Variants in LARGE1 observed in about 807,000 individuals in gnomAD.
LARGE1 encodes LARGE xylosyl- and glucuronyltransferase 1, also known as xylosyl- and glucuronyltransferase LARGE1.
In LARGE1, 43 loss-of-function variants were observed where a neutral mutation model predicts 87.6. The ratio of observed to expected loss-of-function variants is 0.49; its 90% CI spans 0.38 to 0.63. The LOEUF is 0.63. LARGE1 is among the 30% of genes least tolerant of loss of function. The pLI is 0.00. For missense variants in LARGE1, 802 were observed against 1,000.2 expected (o/e 0.80, Z 2.67); for synonymous variants, 434 against 394.6 (o/e 1.10, Z -1.18).
chr22:33,364,146 C>T (rs923842234), intron 9 of LARGE1, among the ~76,000 whole-genome samples: 2 of 151,946 alleles, frequency 1.3e-5, no homozygotes, highest in Non-Finnish European at 2.9e-5. Context: ...ACTCCGCCCC[C>T]CGGGTTCACG....
At chr22:33,335,446 G>T (rs557968584) in intron 10 of LARGE1, among the ~76,000 whole-genome samples, 1 of 152,276 alleles carries the variant, frequency 6.6e-6, no homozygotes, top group African/African-American at 2.4e-5. Flanking sequence ...CTGTGACCAG[G>T]GTCATCCTGA....
intron 2 of LARGE1, among the ~76,000 whole-genome samples, chr22:33,657,799 G>A (rs190576721): frequency 3.5e-4 from 54 of 152,180 alleles, no homozygotes; most frequent in African/African-American, 1.2e-3. Context: ...CTACTTCAAG[G>A]TCATCCATCA....
intron 6 of LARGE1, among the ~76,000 whole-genome samples, chr22:33,491,167 C>T (rs183299771): frequency 7.6e-4 from 116 of 152,280 alleles, no homozygotes; most frequent in South Asian, 2.7e-3. Flanking sequence ...TGTTGGTACA[C>T]AGTATATGGA....
chr22:33,532,666 G>A (rs2076933553), intron 6 of LARGE1, among the ~76,000 whole-genome samples: 1 of 152,210 alleles, frequency 6.6e-6, no homozygotes, highest in Non-Finnish European at 1.5e-5. Context: ...CATGCTTAAA[G>A]TTTTAGGCTT....
chr22:33,124,412 A>G, the LARGE1 span, among the ~76,000 whole-genome samples: 1 of 101,550 alleles, frequency 9.8e-6, no homozygotes, highest in Non-Finnish European at 2.1e-5. Flanking sequence ...GGCTCTGAAA[A>G]GAGCCTTTGG....
intron 2 of LARGE1, among the ~76,000 whole-genome samples, chr22:33,670,499 G>A (rs1205155264): frequency 6.6e-6 from 1 of 151,838 alleles, no homozygotes; most frequent in Non-Finnish European, 1.5e-5. Context: ...GTGTGCCAAG[G>A]TGCCCCAGGG....
intron 1 of LARGE1, among the ~76,000 whole-genome samples, chr22:33,857,686 G>T (rs934468363): frequency 4.6e-5 from 7 of 152,306 alleles, no homozygotes; most frequent in African/African-American, 1.7e-4. Context: ...CACACCCAGG[G>T]CAGTTATCTG....
intron 2 of LARGE1, among the ~76,000 whole-genome samples, chr22:33,680,329 G>C (rs114526741): frequency 6.6e-6 from 1 of 152,158 alleles, no homozygotes; most frequent in Admixed American, 6.5e-5. Flanking sequence ...AATGGGGCTC[G>C]GGGCGGGTGC....
At chr22:33,547,628 T>C (rs1185915840) in intron 6 of LARGE1, among the ~76,000 whole-genome samples, 1 of 151,508 alleles carries the variant, frequency 6.6e-6, no homozygotes, top group Non-Finnish European at 1.5e-5. Flanking sequence ...ACCCCATCTC[T>C]ACTTTAAAAA....
At chr22:33,072,067 CT>C in the LARGE1 span, among the ~76,000 whole-genome samples, 1 of 152,070 alleles carries the variant, frequency 6.6e-6, no homozygotes, top group African/African-American at 2.4e-5. Context: ...AAGTGGGTTG[CT>C]TGCTTCTGGT....
At chr22:33,349,068 T>C (rs1266023540) in intron 9 of LARGE1, among the ~76,000 whole-genome samples, 1 of 152,058 alleles carries the variant, frequency 6.6e-6, no homozygotes, top group African/African-American at 2.4e-5. Flanking sequence ...GAACTGTGAG[T>C]CCATTAAACC....
At chr22:33,280,781 G>T (rs1430875420) in intron 13 of LARGE1, among the ~76,000 whole-genome samples, 1 of 152,186 alleles carries the variant, frequency 6.6e-6, no homozygotes, top group African/African-American at 2.4e-5. Context: ...GGATGCTACT[G>T]GGGAGAAGAG....
At chr22:33,575,843 C>T (rs1365690166) in intron 5 of LARGE1, among the ~76,000 whole-genome samples, 2 of 152,182 alleles carry the variant, frequency 1.3e-5, no homozygotes, top group East Asian at 1.9e-4. Flanking sequence ...CACAAAACCC[C>T]TTCCTCTCTC....
chr22:33,533,983 A>T, intron 6 of LARGE1, among the ~76,000 whole-genome samples: 1 of 149,394 alleles, frequency 6.7e-6, no homozygotes. Flanking sequence ...AACTAACCTG[A>T]CTTTTTTATT....
chr22:33,110,352 T>C, the LARGE1 span: 1 of 152,296 alleles, frequency 6.6e-6, no homozygotes, highest in South Asian at 2.1e-4. Context: ...AGTTCAGAAA[T>C]GAGCGTACGT....
intron 1 of LARGE1, chr22:33,873,541 G>C (rs1029238021): frequency 6.6e-6 from 1 of 152,268 alleles, no homozygotes; most frequent in Non-Finnish European, 1.5e-5. Context: ...CACTCAGCGT[G>C]CTCGTCTGCC....
intron 13 of LARGE1, among the ~76,000 whole-genome samples, chr22:33,278,387 T>C (rs1017603099): frequency 1.3e-5 from 2 of 152,210 alleles, no homozygotes; most frequent in African/African-American, 4.8e-5. Flanking sequence ...CCTGAATCTC[T>C]GATCCCTAGA....
chr22:33,233,314 CAA>C (rs1926102518), intron 11 of LARGE1, among the ~76,000 whole-genome samples: 1 of 151,628 alleles, frequency 6.6e-6, no homozygotes, highest in African/African-American at 2.4e-5. Context: ...ATGATGATGA[CAA>C]TGATGATGAT....
chr22:33,192,275 C>T (rs990010569), intron 11 of LARGE1, among the ~76,000 whole-genome samples: 6 of 152,182 alleles, frequency 3.9e-5, no homozygotes, highest in Admixed American at 1.3e-4. Flanking sequence ...TGATGAATAT[C>T]TCACTTGTGT....
Sources: allele counts gnomAD v4.1 joint callset (sites outside exome capture counted in the v4.1 genomes callset), GRCh38; gene constraint gnomAD v4.1.1; transcripts MANE v1.5; gene names NCBI Gene and HGNC (gene_info 2026-07-23, HGNC 2026-07-21).